Variants in UGT2B4 observed in about 807,000 individuals in gnomAD.
The protein encoded by UGT2B4 is UDP-glucuronosyltransferase 2B4.
A neutral mutation model predicts 49.8 loss-of-function variants in UGT2B4; 49 were observed. That is an observed-to-expected ratio of 0.98 (90% CI 0.78 to 1.25). The LOEUF is 1.25. Among genes scored for constraint, UGT2B4 ranks in the 50% most tolerant of loss-of-function variants. UGT2B4 has a pLI of 0.00. For synonymous variants in UGT2B4, 246 were observed against 217.7 expected (o/e 1.13, Z -1.14); for missense variants, 729 against 627.7 (o/e 1.16, Z -1.73).
At chr4:69,500,157 A>C (rs1043867724), upstream of UGT2B4, among the ~76,000 whole-genome samples, 2 of 152,176 alleles carry the variant, frequency 1.3e-5, no homozygotes, top group African/African-American at 4.8e-5. Flanking sequence ...AGACAACCAA[A>C]TACCACATGT....
chr4:69,524,269 T>C (rs2109836464), intron 1 of UGT2B4, among the ~76,000 whole-genome samples: 1 of 152,260 alleles, frequency 6.6e-6, no homozygotes, highest in Non-Finnish European at 1.5e-5. Flanking sequence ...TCCTCACTTA[T>C]CTTAATAATT....
chr4:69,482,239 G>A (rs1010156841), intron 5 of UGT2B4, among the ~76,000 whole-genome samples: 2 of 152,124 alleles, frequency 1.3e-5, no homozygotes, highest in Non-Finnish European at 2.9e-5. Context: ...GCCACACTAT[G>A]ATAGAACCCC....
chr4:69,515,887 G>A (rs1411757442), intron 1 of UGT2B4, among the ~76,000 whole-genome samples: 3 of 152,156 alleles, frequency 2.0e-5, no homozygotes, highest in African/African-American at 7.2e-5. Flanking sequence ...GGATGTGCAG[G>A]TTTGTTACAC....
chr4:69,497,298 C>A (rs895472366), upstream of UGT2B4, among the ~76,000 whole-genome samples: 2 of 152,140 alleles, frequency 1.3e-5, no homozygotes, highest in African/African-American at 4.8e-5. Context: ...CTTCATTATC[C>A]TGACTAATCT....
rs777056547 is a variant in UGT2B4, at chr4:69,495,491, C to T, written c.371G>A (p.Arg124Lys). 5 of 1,612,232 alleles carry T rather than the reference C, an allele frequency of 3.1e-6. No individual in the cohort carries two copies. Among genetic ancestry groups the T allele is most frequent in the Non-Finnish European group, 4.2e-6 (5 of 1,178,936 alleles). Residue 124 changes from arginine (R) to lysine (K), a missense_variant, in exon 1 of 6, where the codon AGA becomes AAA. Transcript: ENST00000305107. ...TGAAACTATATCCTTACAGAACTTT[C>T]TAAGTATGTCATTAAATGTCCACAT... is the stretch of plus-strand genomic sequence containing the variant. ...EIMWTFNDIL[R>K]KFCKDIVSNK...
intron 1 of UGT2B4, among the ~76,000 whole-genome samples, chr4:69,523,637 GATAA>G (rs1457264426): frequency 6.6e-6 from 1 of 152,044 alleles, no homozygotes; most frequent in Non-Finnish European, 1.5e-5. Context: ...TAGATTTCCT[GATAA>G]ATAAACATTG....
chr4:69,506,746 C>A (rs1728478518), intron 1 of UGT2B4, among the ~76,000 whole-genome samples: 1 of 152,122 alleles, frequency 6.6e-6, no homozygotes, highest in Non-Finnish European at 1.5e-5. Context: ...ATCCTAACAC[C>A]AAAACCTGGC....
intron 1 of UGT2B4, among the ~76,000 whole-genome samples, chr4:69,513,597 C>T (rs1193004146): frequency 6.6e-6 from 1 of 152,054 alleles, no homozygotes; most frequent in Non-Finnish European, 1.5e-5. Context: ...AAATAGTTTT[C>T]TCTAGTTCTG....
At chr4:69,501,410 G>C (rs1422964702) in intron 1 of UGT2B4, among the ~76,000 whole-genome samples, 1 of 152,116 alleles carries the variant, frequency 6.6e-6, no homozygotes, top group Non-Finnish European at 1.5e-5. Flanking sequence ...CGCCACTAGA[G>C]ATTTGAAAAC....
At chr4:69,500,643 A>AAG (rs1203320242), upstream of UGT2B4, among the ~76,000 whole-genome samples, 1 of 142,266 alleles carries the variant, frequency 7.0e-6, no homozygotes, top group Non-Finnish European at 1.6e-5. Flanking sequence ...GAAAGAAAGA[A>AAG]AGAAAGAAAG....
At position 69,480,791 on chromosome 4, in the gene UGT2B4, C is replaced by T. The variant is rs951964641; in HGVS notation, c.1430G>A (p.Arg477Gln). ...VMRHKGAKHL[R>Q]VAAHDLTWFQ... ...CCAGGTGAGGTCGTGGGCTGCAACC[C>T]GAAGGTGCTTGGCTCCTTTATGGCG... Residue 477 changes from arginine to glutamine, a missense_variant, in exon 6 of 6, where the codon CGG becomes CAG. Arg to Gln is a conservative substitution (Grantham distance 43, BLOSUM62 1). Coordinates refer to ENST00000305107, the MANE Select transcript of UGT2B4 (RefSeq NM_021139.3). 1 of 1,613,830 alleles carries T rather than the reference C, an allele frequency of 6.2e-7. No individual in the cohort carries two copies. The highest frequency in any genetic ancestry group is 1.3e-5 in the African/African-American group (1 of 74,972).
chr4:69,512,715 GTT>G (rs144380672), intron 1 of UGT2B4, among the ~76,000 whole-genome samples: 4 of 151,688 alleles, frequency 2.6e-5, no homozygotes, highest in Non-Finnish European at 5.9e-5. Flanking sequence ...ACCAGCATCT[GTT>G]TTTTTTTTGT....
At position 69,480,247 on chromosome 4, in the gene UGT2B4, T is replaced by C. The variant is rs1441558078; in HGVS notation, c.*387A>G. On this transcript the variant is annotated 3_prime_UTR_variant, in exon 6 of 6. Transcript: ENST00000305107. Reference sequence around the variant, plus strand: ...TGAAATGGATCCAAAGTATGCTGAGTATTTGCAAAACAGTACTGATACTGT... The same window carrying C: ...TGAAATGGATCCAAAGTATGCTGAGCATTTGCAAAACAGTACTGATACTGT... 1 of 171,410 alleles carries C rather than the reference T, an allele frequency of 5.8e-6. No individual in the cohort carries two copies. The highest frequency in any genetic ancestry group is 1.3e-5 in the Non-Finnish European group (1 of 79,216). The allele number at this position is 171,410 out of a possible 1,614,324, so 10.6% of individuals were successfully genotyped here.
Position 69,489,441 on chromosome 4 carries a change from T to C in UGT2B4, c.1000A>G (p.Lys334Glu). The change falls in exon 3 of 6, where the codon AAG becomes GAG. Residue 334 changes from lysine (K) to glutamate (E), a missense_variant and splice_region_variant. Coordinates refer to ENST00000305107, the MANE Select transcript of UGT2B4 (RefSeq NM_021139.3). ...IASALAKIPQ[K>E]VLWRFDGNKP... ...ACCATTAAAACATTTTATCTTACCT[T>C]TTGTGGGATCTTGGCAAGGGCTGAT... The C allele has an allele frequency of 6.2e-7, 1 of 1,610,330 alleles. No individual in the cohort carries two copies.
At chr4:69,487,372 A>C (rs552511715) in intron 3 of UGT2B4, among the ~76,000 whole-genome samples, 1 of 152,352 alleles carries the variant, frequency 6.6e-6, no homozygotes. Flanking sequence ...GATTCAATAA[A>C]GAAAATGTGG....
At chr4:69,519,139 A>G (rs1346186709) in intron 1 of UGT2B4, among the ~76,000 whole-genome samples, 1 of 152,228 alleles carries the variant, frequency 6.6e-6, no homozygotes, top group Non-Finnish European at 1.5e-5. Context: ...AGTCTCTATA[A>G]TGACAAATTA....
chr4:69,509,702 CT>C (rs928564002), intron 1 of UGT2B4, among the ~76,000 whole-genome samples: 1 of 151,728 alleles, frequency 6.6e-6, no homozygotes, highest in Admixed American at 6.6e-5. Context: ...ATTAGGGTTT[CT>C]TTTTTTGCTT....
intron 1 of UGT2B4, among the ~76,000 whole-genome samples, chr4:69,519,257 T>C (rs972810640): frequency 6.6e-6 from 1 of 152,192 alleles, no homozygotes; most frequent in South Asian, 2.1e-4. Context: ...TGAATTGGCA[T>C]ATAAAAGCAA....
intron 1 of UGT2B4, among the ~76,000 whole-genome samples, chr4:69,510,631 T>C (rs1421172632): frequency 2.0e-5 from 3 of 152,118 alleles, no homozygotes; most frequent in African/African-American, 4.8e-5. Context: ...CTAATTATTT[T>C]TTATTAGTAT....
Sources: gnomAD v4.1 joint callset for allele counts (sites outside exome capture counted in the v4.1 genomes callset) on GRCh38, gnomAD v4.1.1 for gene constraint, MANE v1.5 for transcripts, NCBI Gene and HGNC (gene_info 2026-07-23, HGNC 2026-07-21) for gene names.